The following UCHL1 variants were observed in gnomAD, a reference collection of about 807,000 sequenced individuals.
UCHL1 encodes the protein ubiquitin C-terminal hydrolase L1, also known as ubiquitin carboxyl-terminal hydrolase isozyme L1.
A neutral mutation model predicts 33.3 loss-of-function variants in UCHL1; 5 were observed. That is an observed-to-expected ratio of 0.15 (90% CI 0.08 to 0.32). UCHL1 has a LOEUF of 0.32. Ranked by LOEUF, UCHL1 falls within the 10% of genes least tolerant of loss-of-function variation. UCHL1 has a pLI of 1.00. For synonymous variants in UCHL1, 132 were observed against 108.8 expected (o/e 1.21, Z -1.33); for missense variants, 236 against 280.0 (o/e 0.84, Z 1.12).
At chr4:41,262,293 C>G (rs1005094453) in intron 6 of UCHL1, among the ~76,000 whole-genome samples, 7 of 152,040 alleles carry the variant, frequency 4.6e-5, no homozygotes, top group Non-Finnish European at 7.4e-5. Flanking sequence ...GAAACCCCGT[C>G]CCTACAAAAA....
chr4:41,259,185 A>G (rs1218163354), intron 3 of UCHL1, among the ~76,000 whole-genome samples: 1 of 152,226 alleles, frequency 6.6e-6, no homozygotes, highest in Non-Finnish European at 1.5e-5. Flanking sequence ...CAGAATGCCT[A>G]CTGGACAAAA....
At chr4:41,260,819 A>G (rs1426673032) in intron 4 of UCHL1, 22 bp downstream of exon 4, 3 of 1,613,994 alleles carry the variant, frequency 1.9e-6, no homozygotes, top group Non-Finnish European at 1.7e-6. Flanking sequence ...TTTTGAGGCC[A>G]GCCATCCTAA....
At chr4:41,260,612 A>T (rs200541768) in intron 3 of UCHL1, 35 bp from the exon 4 acceptor site, 77 of 1,612,804 alleles carry the variant, frequency 4.8e-5, no homozygotes, top group Non-Finnish European at 2.7e-5. Context: ...TTGCACTTTC[A>T]TTCTGAGATG....
At chr4:41,260,062 A>G (rs1033320232) in intron 3 of UCHL1, among the ~76,000 whole-genome samples, 1 of 152,194 alleles carries the variant, frequency 6.6e-6, no homozygotes, top group Admixed American at 6.5e-5. Flanking sequence ...ATCACAGCCC[A>G]ATACCCTGGA....
intron 3 of UCHL1, among the ~76,000 whole-genome samples, chr4:41,259,026 C>T (rs1380819393): frequency 6.6e-6 from 1 of 152,198 alleles, no homozygotes; most frequent in Non-Finnish European, 1.5e-5. Flanking sequence ...AGTGGTGCAG[C>T]ATGTTTGCCT....
Position 41,257,024 on chromosome 4 carries a change from C to A in UCHL1, c.33+15C>A. 6.2e-7 allele frequency: 1 copy of A among 1,614,180 alleles called. No individual in the cohort carries two copies. The highest frequency in any genetic ancestry group is 8.5e-7 in the Non-Finnish European group (1 of 1,180,018). ...TCAACCCCGAGGTGAGCGCCAGGTGCACCGCTACCCGGAGAGCGCGAGGCC... is the reference window on the plus strand; with the variant it reads ...TCAACCCCGAGGTGAGCGCCAGGTGAACCGCTACCCGGAGAGCGCGAGGCC... On this transcript the variant is annotated intron_variant, in intron 1 of 8. Coordinates refer to ENST00000284440, the MANE Select transcript of UCHL1 (RefSeq NM_004181.5).
At position 41,261,812 on chromosome 4, in the gene UCHL1, T is replaced by G. The variant is rs1561080958; in HGVS notation, c.411+12T>G. 1 of 1,614,186 alleles carries G rather than the reference T, an allele frequency of 6.2e-7. No homozygotes were observed. The stretch of plus-strand genomic sequence containing the variant: ...TTGAAAAGAATGAGGTAAGAGAACT[T>G]ACAGAGCATGGCCTTTAAATAACTC... On this transcript the variant is annotated intron_variant, in intron 5 of 8. Transcript: ENST00000284440.
chr4:41,262,482 AAGTG>A (rs985062974), intron 6 of UCHL1, among the ~76,000 whole-genome samples: 2 of 152,124 alleles, frequency 1.3e-5, no homozygotes, highest in Non-Finnish European at 2.9e-5. Flanking sequence ...CTCTCCTAGT[AAGTG>A]AGCATTTCAA....
intron 8 of UCHL1, among the ~76,000 whole-genome samples, chr4:41,267,315 C>T (rs1206404682): frequency 1.3e-5 from 2 of 152,090 alleles, no homozygotes; most frequent in Non-Finnish European, 2.9e-5. Flanking sequence ...GCGATCTCGC[C>T]TCACTGCAAG....
chr4:41,264,458 G>T, intron 8 of UCHL1: 1 of 471,802 alleles, frequency 2.1e-6, no homozygotes, highest in Non-Finnish European at 3.9e-6. Context: ...GGTGACCATT[G>T]TCCTCCCATC....
chr4:41,265,655 C>T (rs917713210), intron 8 of UCHL1, among the ~76,000 whole-genome samples: 1 of 152,160 alleles, frequency 6.6e-6, no homozygotes, highest in African/African-American at 2.4e-5. Context: ...TATGACCTTT[C>T]TTTAGAAAAG....
chr4:41,257,269 C>T (rs1561079227), intron 2 of UCHL1, 143 bp downstream of exon 2: 26 of 1,313,766 alleles, frequency 2.0e-5, no homozygotes, highest in Admixed American at 5.1e-5. Context: ...GGCTGGGCGC[C>T]TTTCCTGGGC....
chr4:41,261,837 CTA>C (rs755399037), intron 5 of UCHL1, 37 bp downstream of exon 5: 20 of 1,614,074 alleles, frequency 1.2e-5, no homozygotes, highest in East Asian at 4.5e-5. Flanking sequence ...TTAAATAACT[CTA>C]GAGATTTTTG....
At position 41,261,716 on chromosome 4, in the gene UCHL1, G is replaced by A; in HGVS notation, c.327G>A (p.Glu109=). 3 of 1,610,506 alleles carry A rather than the reference G, an allele frequency of 1.9e-6. No homozygotes were observed. Among genetic ancestry groups the A allele is most frequent in the Non-Finnish European group, 2.5e-6 (3 of 1,179,524 alleles). ...VANNQDKLGF[E]DGSVLKQFLS... is the part of the protein sequence containing the mutation. The stretch of plus-strand genomic sequence containing the variant: ...TAACACATCCATTTTTTTTTTAAGA[G>A]GATGGATCAGTTCTGAAACAGTTTC... The change falls in exon 5 of 9, where the codon GAG becomes GAA. Residue 109 remains glutamate (E), a splice_region_variant and synonymous_variant. Coordinates refer to ENST00000284440, the MANE Select transcript of UCHL1 (RefSeq NM_004181.5).
chr4:41,260,530 C>A, intron 3 of UCHL1, 117 bp from the exon 4 acceptor site: 1 of 1,300,972 alleles, frequency 7.7e-7, no homozygotes, highest in South Asian at 1.3e-5. Flanking sequence ...CATCTAGAAC[C>A]AGGGGTTCTG....
chr4:41,263,195 CAT>C, intron 6 of UCHL1, 28 bp from the exon 7 acceptor site: 1 of 1,576,566 alleles, frequency 6.3e-7, no homozygotes, highest in Non-Finnish European at 8.7e-7. Flanking sequence ...AGCTTACACT[CAT>C]TTTCAAAAAT....
chr4:41,257,574 C>T (rs2154087092), intron 2 of UCHL1, 35 bp from the exon 3 acceptor site: 4 of 1,488,294 alleles, frequency 2.7e-6, no homozygotes, highest in Non-Finnish European at 3.6e-6. Context: ...CCCGCGTGTC[C>T]CCGTGCGCCT....
intron 8 of UCHL1, among the ~76,000 whole-genome samples, chr4:41,265,542 G>C (rs545061784): frequency 6.6e-6 from 1 of 152,220 alleles, no homozygotes; most frequent in African/African-American, 2.4e-5. Flanking sequence ...TTGCACCACT[G>C]TACTCCAGTC....
At chr4:41,262,031 G>A in intron 6 of UCHL1, 108 bp downstream of exon 6, 2 of 1,470,440 alleles carry the variant, frequency 1.4e-6, no homozygotes, top group Non-Finnish European at 1.9e-6. Context: ...ATCCACCCAA[G>A]GCCAAATGAC....
Sources: allele counts gnomAD v4.1 joint callset (sites outside exome capture counted in the v4.1 genomes callset), GRCh38; gene constraint gnomAD v4.1.1; transcripts MANE v1.5; gene names NCBI Gene and HGNC (gene_info 2026-07-23, HGNC 2026-07-21).